The following SYNDIG1 variants were observed in gnomAD, a reference collection of about 807,000 sequenced individuals.
SYNDIG1 encodes synapse differentiation inducing 1, also known as synapse differentiation-inducing gene protein 1.
In SYNDIG1, 9 loss-of-function variants were observed where a neutral mutation model predicts 19.4. The ratio of observed to expected loss-of-function variants is 0.46; its 90% CI spans 0.28 to 0.81. The LOEUF (loss-of-function observed/expected upper bound fraction) is 0.81, where lower values mean the gene tolerates loss of function less well. SYNDIG1 is among the 30% of genes least tolerant of loss of function. The probability of loss-of-function intolerance (pLI) is 0.12; values close to 1 mark genes in which losing one functional copy is unlikely to be tolerated. For synonymous variants in SYNDIG1, 141 were observed against 145.9 expected (o/e 0.97, Z 0.24); for missense variants, 311 against 343.3 (o/e 0.91, Z 0.74).
At chr20:24,488,796 C>CT (rs1746291277) in intron 1 of SYNDIG1, among the ~76,000 whole-genome samples, 1 of 152,234 alleles carries the variant, frequency 6.6e-6, no homozygotes. Context: ...TGCCTGGACT[C>CT]TCAGCTGAAA....
intron 1 of SYNDIG1, among the ~76,000 whole-genome samples, chr20:24,486,904 G>C (rs2146281262): frequency 6.6e-6 from 1 of 152,228 alleles, no homozygotes; most frequent in South Asian, 2.1e-4. Flanking sequence ...TGATCCACCT[G>C]CCTCGGCCTC....
At chr20:24,633,427 C>T (rs549385148) in intron 3 of SYNDIG1, among the ~76,000 whole-genome samples, 231 of 152,270 alleles carry the variant, frequency 1.5e-3, no homozygotes, top group African/African-American at 5.1e-3. Flanking sequence ...GCACCCAGCA[C>T]GGGAGCAGGT....
chr20:24,638,629 C>G (rs1485481769), intron 3 of SYNDIG1, among the ~76,000 whole-genome samples: 1 of 152,154 alleles, frequency 6.6e-6, no homozygotes, highest in Non-Finnish European at 1.5e-5. Context: ...TCCCAACGGG[C>G]TGGGATTACA....
chr20:24,583,569 G>A (rs1299568479), intron 2 of SYNDIG1, among the ~76,000 whole-genome samples: 1 of 152,240 alleles, frequency 6.6e-6, no homozygotes, highest in African/African-American at 2.4e-5. Context: ...GTTTGGAAGA[G>A]TTGGTGTGAG....
At chr20:24,500,693 C>T (rs577552417) in intron 1 of SYNDIG1, among the ~76,000 whole-genome samples, 48 of 152,172 alleles carry the variant, frequency 3.2e-4, no homozygotes, top group Admixed American at 2.6e-3. Context: ...CTTGACCTCA[C>T]GTCTGGCTCC....
At chr20:24,640,997 G>T (rs1038923560) in intron 3 of SYNDIG1, among the ~76,000 whole-genome samples, 6 of 152,200 alleles carry the variant, frequency 3.9e-5, no homozygotes, top group Non-Finnish European at 5.9e-5. Flanking sequence ...TAAAAAGAAA[G>T]ATCTGCCCTT....
intron 3 of SYNDIG1, among the ~76,000 whole-genome samples, chr20:24,607,970 CG>C (rs1166885259): frequency 6.6e-6 from 1 of 152,100 alleles, no homozygotes; most frequent in East Asian, 1.9e-4. Context: ...ACACTTTTCC[CG>C]GATGAGATCC....
chr20:24,501,338 G>A (rs148830730), intron 1 of SYNDIG1, among the ~76,000 whole-genome samples: 12 of 152,352 alleles, frequency 7.9e-5, no homozygotes, highest in Admixed American at 1.3e-4. Context: ...GCACAGGGCA[G>A]TAGCCCCGGA....
intron 3 of SYNDIG1, among the ~76,000 whole-genome samples, chr20:24,660,177 T>A (rs2059570181): frequency 6.6e-6 from 1 of 152,236 alleles, no homozygotes; most frequent in Admixed American, 6.5e-5. Context: ...TGAGTCAGAT[T>A]CCTTTGAACA....
At chr20:24,642,189 G>A (rs1221661933) in intron 3 of SYNDIG1, among the ~76,000 whole-genome samples, 1 of 152,170 alleles carries the variant, frequency 6.6e-6, no homozygotes, top group Non-Finnish European at 1.5e-5. Context: ...CCTTGTTTTT[G>A]ATGGCCTTGA....
chr20:24,604,358 C>G (rs1462549645), intron 3 of SYNDIG1, among the ~76,000 whole-genome samples: 1 of 152,092 alleles, frequency 6.6e-6, no homozygotes, highest in Admixed American at 6.5e-5. Context: ...AGGTTGGCAC[C>G]AGATACAGGT....
intron 3 of SYNDIG1, among the ~76,000 whole-genome samples, chr20:24,601,066 A>C (rs1458698926): frequency 6.6e-6 from 1 of 152,232 alleles, no homozygotes; most frequent in Non-Finnish European, 1.5e-5. Context: ...TGTTGGATTT[A>C]CCGAAAGCTT....
intron 2 of SYNDIG1, among the ~76,000 whole-genome samples, chr20:24,565,346 A>C (rs1464884378): frequency 6.6e-6 from 1 of 152,230 alleles, no homozygotes; most frequent in Non-Finnish European, 1.5e-5. Flanking sequence ...TGGCACACAG[A>C]GGCCGAGACT....
intron 3 of SYNDIG1, among the ~76,000 whole-genome samples, chr20:24,608,726 A>G (rs2147163158): frequency 6.6e-6 from 1 of 152,354 alleles, no homozygotes; most frequent in African/African-American, 2.4e-5. Context: ...TAAGGCAACA[A>G]GTACCTCTCA....
chr20:24,559,059 A>G (rs551456031), intron 2 of SYNDIG1, among the ~76,000 whole-genome samples: 2 of 152,344 alleles, frequency 1.3e-5, no homozygotes, highest in South Asian at 2.1e-4. Context: ...ACTATTCACA[A>G]TAGCAAAGAT....
rs748128156 is a variant in SYNDIG1, at chr20:24,658,326, G to A, written c.619-7020G>A. On this transcript the variant is annotated intron_variant, in intron 3 of 3. Coordinates refer to ENST00000376862, the MANE Select transcript of SYNDIG1 (RefSeq NM_024893.3). This position sits in a 1 kb window ranked among gnomAD's most constrained non-coding sequence, Gnocchi z 4.4. Reference sequence around the variant, plus strand: ...CTCGGGGAAAGGCAGGTAGTGACGCGGCAGGGGACTGGAGCTCGGTGGAGT... The same window carrying A: ...CTCGGGGAAAGGCAGGTAGTGACGCAGCAGGGGACTGGAGCTCGGTGGAGT... Among the ~76,000 whole-genome samples the A allele has an allele frequency of 2.8e-4, 42 of 152,036 alleles. No homozygotes were observed. The highest frequency in any genetic ancestry group is 8.8e-5 in the Non-Finnish European group (6 of 67,986).
chr20:24,588,437 G>A (rs528919128), intron 3 of SYNDIG1, among the ~76,000 whole-genome samples: 142 of 152,370 alleles, frequency 9.3e-4, no homozygotes, highest in African/African-American at 3.3e-3. Context: ...CAGCGCTGGA[G>A]CCATGCACCC....
chr20:24,583,776 A>G (rs904328952), intron 2 of SYNDIG1, among the ~76,000 whole-genome samples: 14 of 152,128 alleles, frequency 9.2e-5, no homozygotes, highest in African/African-American at 2.9e-4. Flanking sequence ...AAAAATTACT[A>G]TGGAATCGCA....
intron 3 of SYNDIG1, among the ~76,000 whole-genome samples, chr20:24,610,254 T>C (rs1029497553): frequency 2.3e-4 from 35 of 152,336 alleles, no homozygotes; most frequent in African/African-American, 8.2e-4. Context: ...TGTGATAATT[T>C]TGAATAATTT....
Sources: allele counts gnomAD v4.1 joint callset (sites outside exome capture counted in the v4.1 genomes callset), GRCh38; gene constraint gnomAD v4.1.1; non-coding constraint Gnocchi (gnomAD v3.1); transcripts MANE v1.5; gene names NCBI Gene and HGNC (gene_info 2026-07-23, HGNC 2026-07-21).